The following SETBP1 variants were observed in gnomAD, a reference collection of about 807,000 sequenced individuals.
SETBP1 encodes the protein SET-binding protein.
Under a neutral mutation model 101.0 loss-of-function variants are expected in SETBP1, and 9 were observed. That is an observed-to-expected ratio of 0.09 (90% CI 0.05 to 0.16). The LOEUF is 0.16. Among genes scored for constraint, SETBP1 ranks in the 10% least tolerant of loss-of-function variants. The pLI, the probability that SETBP1 is intolerant of heterozygous loss-of-function variation, is 1.00. For missense variants in SETBP1, 1,858 were observed against 2,033.8 expected (o/e 0.91, Z 1.66); for synonymous variants, 818 against 788.5 (o/e 1.04, Z -0.63).
chr18:44,708,894 A>G (rs1273662480), intron 2 of SETBP1, among the ~76,000 whole-genome samples: 1 of 152,222 alleles, frequency 6.6e-6, no homozygotes, highest in Non-Finnish European at 1.5e-5. Flanking sequence ...AACGCTCATT[A>G]CTATAAACAG....
intron 2 of SETBP1, among the ~76,000 whole-genome samples, chr18:44,844,332 C>T (rs1435556032): frequency 1.3e-5 from 1 of 77,356 alleles, no homozygotes; most frequent in Non-Finnish European, 2.6e-5. Flanking sequence ...CCACCCCACA[C>T]ACACACGTGC....
chr18:45,056,265 GC>G (rs2073807027), intron 5 of SETBP1, among the ~76,000 whole-genome samples: 1 of 152,102 alleles, frequency 6.6e-6, no homozygotes, highest in Admixed American at 6.6e-5. Context: ...GAAAAGTCTT[GC>G]TTTTCTAAAA....
At chr18:44,960,485 C>A (rs1347327094) in intron 4 of SETBP1, among the ~76,000 whole-genome samples, 1 of 152,094 alleles carries the variant, frequency 6.6e-6, no homozygotes, top group African/African-American at 2.4e-5. Context: ...CAGGTGTATG[C>A]CACCATACCC....
intron 4 of SETBP1, among the ~76,000 whole-genome samples, chr18:45,005,643 CTTT>C (rs11301319): frequency 7.7e-5 from 9 of 116,214 alleles, no homozygotes; most frequent in African/African-American, 1.7e-4. Context: ...TAAAATCTTC[CTTT>C]TTTTTTTTTT....
chr18:44,854,318 C>T (rs1599226754), intron 2 of SETBP1, among the ~76,000 whole-genome samples: 1 of 152,176 alleles, frequency 6.6e-6, no homozygotes, highest in African/African-American at 2.4e-5. Flanking sequence ...AGCAGACTCA[C>T]TGCGTTTATC....
chr18:44,842,140 A>T (rs2072630528), intron 2 of SETBP1, among the ~76,000 whole-genome samples: 1 of 152,204 alleles, frequency 6.6e-6, no homozygotes, highest in South Asian at 2.1e-4. Context: ...ATGGGAAGAG[A>T]GTGTCCAGGA....
At chr18:44,882,861 T>C (rs1568198657) in intron 3 of SETBP1, among the ~76,000 whole-genome samples, 2 of 152,096 alleles carry the variant, frequency 1.3e-5, no homozygotes, top group Non-Finnish European at 2.9e-5. Context: ...TAAAAAGAGG[T>C]ACTTCAGCCA....
At chr18:44,798,766 C>T (rs1295221300) in intron 2 of SETBP1, among the ~76,000 whole-genome samples, 4 of 152,180 alleles carry the variant, frequency 2.6e-5, no homozygotes, top group African/African-American at 9.7e-5. Context: ...ATGGAGGTCA[C>T]TTACGTGTAG....
At chr18:44,734,346 A>G (rs1014822093) in intron 2 of SETBP1, among the ~76,000 whole-genome samples, 2 of 152,190 alleles carry the variant, frequency 1.3e-5, no homozygotes, top group African/African-American at 4.8e-5. Context: ...TGAAGACTGC[A>G]TGTGTGTCCT....
chr18:44,765,750 G>T (rs559115832), intron 2 of SETBP1, among the ~76,000 whole-genome samples: 27 of 152,296 alleles, frequency 1.8e-4, no homozygotes, highest in South Asian at 4.1e-4. Context: ...CTCAGCAGGA[G>T]AGGGAGAGCA....
intron 2 of SETBP1, among the ~76,000 whole-genome samples, chr18:44,832,608 C>T (rs1473951331): frequency 1.3e-5 from 2 of 152,210 alleles, no homozygotes; most frequent in Non-Finnish European, 2.9e-5. Flanking sequence ...CTAGGTAATG[C>T]TGACATCCCC....
chr18:44,729,881 A>C (rs1181134143), intron 2 of SETBP1, among the ~76,000 whole-genome samples: 1 of 152,248 alleles, frequency 6.6e-6, no homozygotes, highest in African/African-American at 2.4e-5. Flanking sequence ...TTTATGTCAC[A>C]CAGGCTTTTG....
intron 2 of SETBP1, among the ~76,000 whole-genome samples, chr18:44,800,904 G>A (rs1485203633): frequency 6.6e-6 from 1 of 152,142 alleles, no homozygotes; most frequent in East Asian, 1.9e-4. Flanking sequence ...ATGATAGACT[G>A]GATAAAGAAA....
chr18:44,707,829 A>G (rs956379290), intron 2 of SETBP1, among the ~76,000 whole-genome samples: 1 of 152,072 alleles, frequency 6.6e-6, no homozygotes, highest in African/African-American at 2.4e-5. Flanking sequence ...AATCAGGGAG[A>G]AGGAACGGTT....
chr18:44,772,399 T>C (rs1208808102), intron 2 of SETBP1, among the ~76,000 whole-genome samples: 6 of 152,190 alleles, frequency 3.9e-5, no homozygotes, highest in African/African-American at 9.7e-5. Flanking sequence ...CTAGGCCTCC[T>C]GCACTGGCTG....
At chr18:44,834,561 G>A (rs957406826) in intron 2 of SETBP1, among the ~76,000 whole-genome samples, 2 of 152,110 alleles carry the variant, frequency 1.3e-5, no homozygotes, top group Non-Finnish European at 2.9e-5. Flanking sequence ...CTATAGAAGA[G>A]GCACAGAGCA....
chr18:45,048,928 C>T (rs1431550649), intron 5 of SETBP1, among the ~76,000 whole-genome samples: 1 of 131,422 alleles, frequency 7.6e-6, no homozygotes, highest in Non-Finnish European at 1.6e-5. Flanking sequence ...GCCGAGATTG[C>T]GCCACTGCAG....
chr18:44,808,595 T>C (rs376190887), intron 2 of SETBP1, among the ~76,000 whole-genome samples: 81 of 152,264 alleles, frequency 5.3e-4, no homozygotes, highest in African/African-American at 1.5e-3. Flanking sequence ...AGGACCCTCA[T>C]TGGGGCCACT....
At position 44,775,160 on chromosome 18, in the gene SETBP1, G is replaced by A. The variant is rs1160194050; in HGVS notation, c.486+73328G>A. On this transcript the variant is annotated intron_variant, in intron 2 of 5. Transcript: ENST00000649279. ...CCTTTTTTCTTTAAATTGCTATTGG[G>A]GGTATAGTTTCATGGCTCATTGATT... 3.3e-5 allele frequency among the ~76,000 whole-genome samples: 5 copies of A among 152,074 alleles called. No individual in the cohort carries two copies. The East Asian group carries it at 9.6e-4, about 29-fold the overall frequency.
Sources: allele counts gnomAD v4.1 joint callset (sites outside exome capture counted in the v4.1 genomes callset), GRCh38; gene constraint gnomAD v4.1.1; transcripts MANE v1.5; gene names NCBI Gene and HGNC (gene_info 2026-07-23, HGNC 2026-07-21).